ROBO2: variants seen among roughly 807,000 people sequenced by gnomAD.
The protein encoded by ROBO2 is roundabout homolog 2.
ROBO2 carries 53 observed loss-of-function variants against 160.8 expected under a neutral mutation model. That is an observed-to-expected ratio of 0.33 (90% CI 0.26 to 0.41). The LOEUF is 0.41. ROBO2 is among the 10% of genes least tolerant of loss of function. ROBO2 has a pLI of 1.00. For synonymous variants in ROBO2, 664 were observed against 611.7 expected, an observed-to-expected ratio of 1.09 and a Z score of -1.26; for missense variants, 1,577 against 1,722.4, an observed-to-expected ratio of 0.92 and a Z score of 1.49.
At chr3:77,275,884 A>T (rs535987017) in intron 2 of ROBO2, among the ~76,000 whole-genome samples, 3 of 152,196 alleles carry the variant, frequency 2.0e-5, no homozygotes, top group African/African-American at 7.2e-5. Context: ...ATTAAAATCA[A>T]CTTAGCTCCT....
intron 2 of ROBO2, among the ~76,000 whole-genome samples, chr3:76,666,236 G>T (rs1251841284): frequency 6.6e-6 from 1 of 151,450 alleles, no homozygotes; most frequent in East Asian, 1.9e-4. Flanking sequence ...TTTTTCTTGT[G>T]CTTAGCACAT....
chr3:77,188,966 T>A (rs374948885), intron 2 of ROBO2, among the ~76,000 whole-genome samples: 15 of 125,078 alleles, frequency 1.2e-4, no homozygotes, highest in South Asian at 2.5e-4. Flanking sequence ...TGTGTGTGTG[T>A]GTGAGAGAGA....
intron 2 of ROBO2, among the ~76,000 whole-genome samples, chr3:77,266,713 T>C (rs1270897722): frequency 6.6e-6 from 1 of 152,128 alleles, no homozygotes; most frequent in Non-Finnish European, 1.5e-5. Flanking sequence ...TCTTGTCTAA[T>C]CCTTAGTTTT....
At chr3:76,588,767 T>C (rs2086226556) in intron 2 of ROBO2, among the ~76,000 whole-genome samples, 1 of 152,220 alleles carries the variant, frequency 6.6e-6, no homozygotes, top group African/African-American at 2.4e-5. Flanking sequence ...TTACCTAGAA[T>C]TGCTAATAGC....
At chr3:77,525,500 G>A (rs2091052358) in intron 6 of ROBO2, among the ~76,000 whole-genome samples, 1 of 149,868 alleles carries the variant, frequency 6.7e-6, no homozygotes, top group Non-Finnish European at 1.5e-5. Context: ...AAATTAGGAA[G>A]AAATAAAGCC....
At chr3:76,508,223 T>C (rs568520784) in intron 2 of ROBO2, among the ~76,000 whole-genome samples, 2 of 152,154 alleles carry the variant, frequency 1.3e-5, no homozygotes, top group Non-Finnish European at 2.9e-5. Context: ...CCTAAAATGA[T>C]CATTTTTAGT....
At chr3:76,972,144 A>T (rs1264719028) in intron 2 of ROBO2, among the ~76,000 whole-genome samples, 1 of 152,092 alleles carries the variant, frequency 6.6e-6, no homozygotes, top group Non-Finnish European at 1.5e-5. Context: ...AATTGTAGGA[A>T]CTCTCTTTCT....
chr3:76,919,508 C>A (rs541302638), intron 2 of ROBO2, among the ~76,000 whole-genome samples: 2 of 152,192 alleles, frequency 1.3e-5, no homozygotes, highest in South Asian at 2.1e-4. Flanking sequence ...TTAATAGTAT[C>A]TTCTTGTTTC....
At chr3:76,102,839 T>TC (rs2069753744) in intron 2 of ROBO2, among the ~76,000 whole-genome samples, 1 of 151,912 alleles carries the variant, frequency 6.6e-6, no homozygotes, top group African/African-American at 2.4e-5. Context: ...CTTTTTTTTT[T>TC]TTTGAGATGG....
In ROBO2 at chr3:76,346,659, A is replaced by C. The variant is rs548413979; in HGVS notation, c.109+409057A>C. ...ACCATTTCATGTTTCACAGACACAC[A>C]TTCATTCATTCATGTTTTCTCCATT... On this transcript the variant is annotated intron_variant, in intron 2 of 26. Transcript: ENST00000487694. 3.9e-5 allele frequency among the ~76,000 whole-genome samples: 6 copies of C among 152,262 alleles called. 1 individual carries two copies. Among genetic ancestry groups the C allele is most frequent in the African/African-American group, 1.4e-4 (6 of 41,564 alleles).
intron 2 of ROBO2, among the ~76,000 whole-genome samples, chr3:77,322,805 ATAT>A (rs1418362765): frequency 2.0e-4 from 26 of 132,150 alleles, no homozygotes; most frequent in African/African-American, 7.4e-4. Context: ...GTAATATATT[ATAT>A]TATACATATG....
At chr3:76,901,375 T>C (rs2075216125) in intron 2 of ROBO2, among the ~76,000 whole-genome samples, 1 of 151,968 alleles carries the variant, frequency 6.6e-6, no homozygotes, top group Non-Finnish European at 1.5e-5. Context: ...ATATATCTAT[T>C]AAAGAAATAG....
intron 16 of ROBO2, among the ~76,000 whole-genome samples, chr3:77,583,790 G>A (rs2093976303): frequency 6.6e-6 from 1 of 152,058 alleles, no homozygotes. Flanking sequence ...ATCTTTTGAA[G>A]CATGTTTGTG....
intron 2 of ROBO2, among the ~76,000 whole-genome samples, chr3:77,190,569 A>C (rs1017164490): frequency 6.6e-6 from 1 of 151,996 alleles, no homozygotes; most frequent in African/African-American, 2.4e-5. Flanking sequence ...ATGTAGCATT[A>C]TAATCTGTGA....
chr3:76,440,208 A>T (rs568118483), intron 2 of ROBO2, among the ~76,000 whole-genome samples: 1 of 152,268 alleles, frequency 6.6e-6, no homozygotes, highest in South Asian at 2.1e-4. Context: ...ACCCCAATCA[A>T]GTCCCAAGCA....
intron 2 of ROBO2, among the ~76,000 whole-genome samples, chr3:76,934,959 A>ATTTTTTT (rs1362508946): frequency 2.0e-5 from 3 of 147,310 alleles, no homozygotes; most frequent in African/African-American, 7.5e-5. Flanking sequence ...GGCTTCACAA[A>ATTTTTTT]TTTTTTTTTT....
At chr3:77,220,342 T>C (rs572553317) in intron 2 of ROBO2, among the ~76,000 whole-genome samples, 2 of 152,022 alleles carry the variant, frequency 1.3e-5, no homozygotes, top group Non-Finnish European at 2.9e-5. Context: ...CACAGACAAA[T>C]TGGCAACTTC....
chr3:76,907,239 C>T (rs1241847723), intron 2 of ROBO2, among the ~76,000 whole-genome samples: 2 of 152,156 alleles, frequency 1.3e-5, no homozygotes, highest in Middle Eastern at 3.2e-3. Context: ...TTACTCCTTC[C>T]TTTTTGGGTT....
rs181913928 is a variant in ROBO2, at chr3:76,694,138, C to A, written c.110-403876C>A. 1.4e-4 allele frequency among the ~76,000 whole-genome samples: 22 copies of A among 152,308 alleles called. 1 individual carries two copies. Among genetic ancestry groups the A allele is most frequent in the Admixed American group, 1.4e-3 (22 of 15,282 alleles). ...CAGTGACAGCATGCAGTGGTTTGCC[C>A]TAATGCCTCACTTACATCAGTCGTG... On this transcript the variant is annotated intron_variant, in intron 2 of 26. Transcript: ENST00000487694.
Sources: gnomAD v4.1 joint callset for allele counts (sites outside exome capture counted in the v4.1 genomes callset) on GRCh38, gnomAD v4.1.1 for gene constraint, MANE v1.5 for transcripts, NCBI Gene and HGNC (gene_info 2026-07-23, HGNC 2026-07-21) for gene names.